The following AFAP1L2 variants were observed in gnomAD, a reference collection of about 807,000 sequenced individuals.
AFAP1L2 encodes actin filament associated protein 1 like 2.
Under a neutral mutation model 99.3 loss-of-function variants are expected in AFAP1L2, and 46 were observed. That is an observed-to-expected ratio of 0.46 (90% CI 0.37 to 0.59). The LOEUF is 0.59. AFAP1L2 is among the 20% of genes least tolerant of loss of function. The pLI is 0.00. For missense variants in AFAP1L2, 959 were observed against 1,034.9 expected, an observed-to-expected ratio of 0.93 and a Z score of 1.01; for synonymous variants, 397 against 419.1, an observed-to-expected ratio of 0.95 and a Z score of 0.64.
chr10:114,355,733 G>T (rs957546990), intron 1 of AFAP1L2, among the ~76,000 whole-genome samples: 1 of 152,044 alleles, frequency 6.6e-6, no homozygotes, highest in Non-Finnish European at 1.5e-5. Flanking sequence ...GCACTTTGGG[G>T]GACCAAGGTG....
intron 5 of AFAP1L2, among the ~76,000 whole-genome samples, chr10:114,319,877 A>G (rs1000623784): frequency 1.3e-5 from 2 of 152,174 alleles, no homozygotes; most frequent in East Asian, 3.9e-4. Context: ...AGAGATGACC[A>G]TGTGACTACT....
chr10:114,346,479 G>C (rs548197660), intron 1 of AFAP1L2, among the ~76,000 whole-genome samples: 1 of 152,182 alleles, frequency 6.6e-6, no homozygotes, highest in Non-Finnish European at 1.5e-5. Flanking sequence ...ACAGGCTTGG[G>C]GAAATAACAA....
intron 5 of AFAP1L2, among the ~76,000 whole-genome samples, chr10:114,319,969 C>T (rs1004596214): frequency 1.1e-4 from 16 of 152,182 alleles, no homozygotes; most frequent in Non-Finnish European, 5.9e-5. Context: ...GTTCTCTGCT[C>T]TCTCTTTGCA....
intron 4 of AFAP1L2, among the ~76,000 whole-genome samples, chr10:114,330,759 T>A (rs2047116463): frequency 6.6e-6 from 1 of 152,214 alleles, no homozygotes; most frequent in African/African-American, 2.4e-5. Flanking sequence ...AGGTATGGCC[T>A]ACATCTGTCC....
downstream of AFAP1L2, chr10:114,290,251 C>T: frequency 1.3e-6 from 2 of 1,550,512 alleles, no homozygotes; most frequent in Non-Finnish European, 1.7e-6. Flanking sequence ...AGCCAAGCAG[C>T]CAGTCAACCT....
At chr10:114,310,241 GT>G (rs2043020470) in intron 8 of AFAP1L2, 112 bp downstream of exon 8, 2 of 1,143,670 alleles carry the variant, frequency 1.7e-6, no homozygotes, top group South Asian at 1.6e-5. Context: ...AGCATTGTAT[GT>G]TTCTTATTAA....
At chr10:114,285,858 A>C in the AFAP1L2 span, 1 of 1,387,308 alleles carries the variant, frequency 7.2e-7, no homozygotes, top group Non-Finnish European at 9.6e-7. Flanking sequence ...CCCTCCTGGG[A>C]GATGTTCGGC....
At chr10:114,318,527 T>C (rs1333183908) in intron 5 of AFAP1L2, among the ~76,000 whole-genome samples, 1 of 151,232 alleles carries the variant, frequency 6.6e-6, no homozygotes, top group Non-Finnish European at 1.5e-5. Flanking sequence ...TCACTTGAGG[T>C]CAGGAGTTTG....
intron 13 of AFAP1L2, 121 bp from the exon 14 acceptor site, chr10:114,300,811 T>C: frequency 1.3e-5 from 17 of 1,318,708 alleles, no homozygotes; most frequent in South Asian, 1.5e-5. Context: ...GAGATCTCCC[T>C]CCCTGCTGGG....
At chr10:114,318,155 T>C (rs2044447415) in intron 5 of AFAP1L2, among the ~76,000 whole-genome samples, 1 of 152,212 alleles carries the variant, frequency 6.6e-6, no homozygotes, top group Admixed American at 6.5e-5. Flanking sequence ...ATCAGGGTGA[T>C]TTAAAAATGT....
chr10:114,329,903 C>T (rs1429260350), intron 4 of AFAP1L2, among the ~76,000 whole-genome samples: 2 of 152,180 alleles, frequency 1.3e-5, no homozygotes, highest in Admixed American at 6.5e-5. Flanking sequence ...GAGTCTGTTT[C>T]CTCATATGAA....
downstream of AFAP1L2, among the ~76,000 whole-genome samples, chr10:114,294,030 C>A (rs1049036441): frequency 2.0e-5 from 3 of 152,130 alleles, no homozygotes; most frequent in African/African-American, 7.2e-5. Context: ...TATGCTTTTT[C>A]TTCCTCAAGA....
intron 3 of AFAP1L2, among the ~76,000 whole-genome samples, chr10:114,332,766 G>A (rs1373447017): frequency 6.6e-6 from 1 of 152,228 alleles, no homozygotes; most frequent in East Asian, 1.9e-4. Flanking sequence ...CTTCCCATGG[G>A]AGACTAAACG....
the AFAP1L2 span, chr10:114,289,705 A>G: frequency 6.7e-6 from 4 of 595,112 alleles, no homozygotes; most frequent in Admixed American, 3.0e-5. Context: ...TTTAACTAAC[A>G]TAGATAACTC....
intron 1 of AFAP1L2, among the ~76,000 whole-genome samples, chr10:114,341,446 C>T (rs921899302): frequency 1.3e-5 from 2 of 151,940 alleles, no homozygotes; most frequent in South Asian, 4.2e-4. Context: ...ACCCCCGTCT[C>T]TACTAAAAAT....
At chr10:114,302,621 T>C in intron 11 of AFAP1L2, 137 bp from the exon 12 acceptor site, 7 of 1,065,832 alleles carry the variant, frequency 6.6e-6, no homozygotes, top group Non-Finnish European at 6.7e-6. Context: ...GGGCTGTGCT[T>C]CTCCTGTTCA....
chr10:114,294,826 C>G lies in AFAP1L2; in HGVS notation c.*1216G>C, dbSNP rs7350409. 69,348 of 974,868 alleles carry G rather than the reference C, an allele frequency of 0.071. 2,887 individuals are homozygous for G. The highest frequency in any genetic ancestry group is 0.27 in the East Asian group (2,326 of 8,526). 60.4% of individuals were successfully genotyped at this position (974,868 alleles called of 1,614,324 possible). On this transcript the variant is annotated 3_prime_UTR_variant, in exon 19 of 19. Transcript: ENST00000304129. ...TCATTTCATGAACTGAGGAAAACTT[C>G]AAATACAATGAACATTTTATTTTAA...
intron 1 of AFAP1L2, among the ~76,000 whole-genome samples, chr10:114,368,250 TCA>T (rs1185149315): frequency 4.0e-5 from 6 of 151,846 alleles, no homozygotes; most frequent in Non-Finnish European, 5.9e-5. Context: ...AAAGGTAAAC[TCA>T]CAGAAGCAGA....
At chr10:114,303,310 GTTTT>G (rs934452307) in intron 11 of AFAP1L2, among the ~76,000 whole-genome samples, 1 of 151,590 alleles carries the variant, frequency 6.6e-6, no homozygotes. Context: ...CCTTTTCCCA[GTTTT>G]TTTTTATTTT....
Sources: gnomAD v4.1 joint callset for allele counts (sites outside exome capture counted in the v4.1 genomes callset) on GRCh38, gnomAD v4.1.1 for gene constraint, MANE v1.5 for transcripts, NCBI Gene and HGNC (gene_info 2026-07-23, HGNC 2026-07-21) for gene names.